Variants in PPP3CA observed in about 807,000 individuals in gnomAD.
PPP3CA encodes CAM-PRP catalytic subunit.
A neutral mutation model predicts 66.5 loss-of-function variants in PPP3CA; 14 were observed. That is an observed-to-expected ratio of 0.21 (90% CI 0.14 to 0.33). The LOEUF (loss-of-function observed/expected upper bound fraction) is 0.33, where lower values mean the gene tolerates loss of function less well. Among genes scored for constraint, PPP3CA ranks in the 10% least tolerant of loss-of-function variants. The pLI, the probability that PPP3CA is intolerant of heterozygous loss-of-function variation, is 1.00. For synonymous variants in PPP3CA, 232 were observed against 226.2 expected (o/e 1.03, Z -0.23); for missense variants, 317 against 639.5 (o/e 0.50, Z 5.44).
intron 2 of PPP3CA, among the ~76,000 whole-genome samples, chr4:101,112,726 C>G (rs1334007250): frequency 1.3e-5 from 2 of 152,138 alleles, no homozygotes; most frequent in Non-Finnish European, 2.9e-5. Flanking sequence ...CCATCCTGTA[C>G]AAAGGAGCAA....
At chr4:101,141,867 G>T (rs887278432) in intron 2 of PPP3CA, among the ~76,000 whole-genome samples, 19 of 152,182 alleles carry the variant, frequency 1.2e-4, no homozygotes, top group African/African-American at 4.3e-4. Context: ...GTGAACGAAT[G>T]AATGTATAGG....
intron 1 of PPP3CA, among the ~76,000 whole-genome samples, chr4:101,201,082 A>T (rs1724952523): frequency 6.6e-6 from 1 of 152,138 alleles, no homozygotes. Context: ...TTATGTTGAA[A>T]TAATAATATT....
chr4:101,304,449 T>G (rs1728475047), intron 1 of PPP3CA, among the ~76,000 whole-genome samples: 1 of 152,200 alleles, frequency 6.6e-6, no homozygotes, highest in Admixed American at 6.5e-5. Flanking sequence ...AGTTGGTAGA[T>G]TTTACTTCCT....
intron 7 of PPP3CA, among the ~76,000 whole-genome samples, chr4:101,082,166 A>G (rs1729470045): frequency 6.6e-6 from 1 of 152,204 alleles, no homozygotes. Context: ...AAGTGAGAAC[A>G]ATTATTTGAA....
chr4:101,181,465 A>C (rs1051258027), intron 2 of PPP3CA, among the ~76,000 whole-genome samples: 1 of 152,106 alleles, frequency 6.6e-6, no homozygotes, highest in African/African-American at 2.4e-5. Flanking sequence ...CTTAGAATAT[A>C]AAGGGAAAAC....
chr4:101,174,148 T>C (rs370672651), intron 2 of PPP3CA, among the ~76,000 whole-genome samples: 5 of 151,138 alleles, frequency 3.3e-5, no homozygotes, highest in African/African-American at 1.2e-4. Flanking sequence ...TAACAAATAG[T>C]TTGGAAGTTA....
At chr4:101,040,608 C>T (rs111325412) in intron 10 of PPP3CA, 42 bp from the exon 11 acceptor site, 1 of 1,513,354 alleles carries the variant, frequency 6.6e-7, no homozygotes, top group African/African-American at 1.4e-5. Flanking sequence ...AATTTTTTAT[C>T]TAATTGTAAT....
chr4:101,229,602 T>G (rs1447077117), intron 1 of PPP3CA, among the ~76,000 whole-genome samples: 1 of 151,582 alleles, frequency 6.6e-6, no homozygotes, highest in Admixed American at 6.6e-5. Flanking sequence ...CTAGGGAGTT[T>G]GGCAGTATGG....
At chr4:101,285,477 T>C (rs1349022990) in intron 1 of PPP3CA, among the ~76,000 whole-genome samples, 5 of 152,092 alleles carry the variant, frequency 3.3e-5, no homozygotes, top group Admixed American at 6.6e-5. Flanking sequence ...CTTAAAGAGT[T>C]CCCCCTTCTT....
intron 1 of PPP3CA, among the ~76,000 whole-genome samples, chr4:101,209,190 T>A (rs1725229025): frequency 6.6e-6 from 1 of 152,244 alleles, no homozygotes; most frequent in African/African-American, 2.4e-5. Flanking sequence ...AGTTCAAGAA[T>A]AATCAAAGAA....
chr4:101,067,265 T>C (rs969793344), intron 8 of PPP3CA, among the ~76,000 whole-genome samples: 15 of 152,142 alleles, frequency 9.9e-5, no homozygotes, highest in African/African-American at 3.4e-4. Context: ...CTCATTTTTA[T>C]AGTACCTGTA....
rs534375290 is a variant in PPP3CA, at chr4:101,320,102, T to C, written c.58+26637A>G. ...ACTCTAAAAACAAAACAGTATCAGG[T>C]AATATTATTCTATCTTATAGAAACA... On this transcript the variant is annotated intron_variant, in intron 1 of 13. Transcript: ENST00000394854. 1.4e-4 allele frequency among the ~76,000 whole-genome samples: 21 copies of C among 152,124 alleles called. No individual in the cohort carries two copies. The East Asian group carries it at 3.5e-3, about 25-fold the overall frequency.
intron 2 of PPP3CA, among the ~76,000 whole-genome samples, chr4:101,136,343 C>A (rs2110287302): frequency 6.6e-6 from 1 of 152,106 alleles, no homozygotes; most frequent in East Asian, 1.9e-4. Flanking sequence ...GAGTTAGAGA[C>A]CAACCTGGCC....
Position 101,093,801 on chromosome 4 carries a change from C to G in PPP3CA, c.757G>C (p.Val253Leu). 1 of 1,612,832 alleles carries G rather than the reference C, an allele frequency of 6.2e-7. No homozygotes were observed. Among genetic ancestry groups the G allele is most frequent in the Non-Finnish European group, 8.5e-7 (1 of 1,179,224 alleles). Reference sequence around the variant, plus strand: ...CTGTAGAAGTATGAACACCCCCTGACTGTGTTGTGAGTGAAATGTTCCTGA... The same window carrying G: ...CTGTAGAAGTATGAACACCCCCTGAGTGTGTTGTGAGTGAAATGTTCCTGA... Reference protein sequence around the residue: ...KTQEHFTHNTVRGCSYFYSYP... With the variant: ...KTQEHFTHNTLRGCSYFYSYP... The change falls in exon 6 of 14, where the codon GTC becomes CTC. Residue 253 changes from valine to leucine, a missense_variant. This residue lies in a region of PPP3CA where 201 missense variants were observed against 501.4 expected (regional missense o/e 0.40). Transcript: ENST00000394854.
chr4:101,088,880 T>G (rs1212006756), intron 6 of PPP3CA, among the ~76,000 whole-genome samples: 2 of 152,142 alleles, frequency 1.3e-5, no homozygotes. Flanking sequence ...ATGTGATGAC[T>G]GGTGGTGATT....
intron 6 of PPP3CA, among the ~76,000 whole-genome samples, chr4:101,086,243 G>A (rs1426741469): frequency 6.6e-6 from 1 of 152,058 alleles, no homozygotes. Context: ...ATATATTAAA[G>A]AGAATGACGT....
At chr4:101,035,337 C>T (rs1366058000) in intron 11 of PPP3CA, among the ~76,000 whole-genome samples, 1 of 152,030 alleles carries the variant, frequency 6.6e-6, no homozygotes, top group African/African-American at 2.4e-5. Flanking sequence ...CAATTACAAC[C>T]CATAATGCTC....
intron 6 of PPP3CA, among the ~76,000 whole-genome samples, chr4:101,090,977 T>C (rs1421875175): frequency 6.6e-6 from 1 of 150,698 alleles, no homozygotes; most frequent in Non-Finnish European, 1.5e-5. Context: ...TATATTATAA[T>C]ATACACACAT....
intron 1 of PPP3CA, among the ~76,000 whole-genome samples, chr4:101,238,204 T>C (rs1162508539): frequency 6.6e-6 from 1 of 152,108 alleles, no homozygotes; most frequent in Non-Finnish European, 1.5e-5. Context: ...AAATTGATTA[T>C]AAAGATGCAC....
Sources: allele counts gnomAD v4.1 joint callset (sites outside exome capture counted in the v4.1 genomes callset), GRCh38; gene constraint gnomAD v4.1.1; regional missense constraint gnomAD v4.1.1; transcripts MANE v1.5; gene names NCBI Gene and HGNC (gene_info 2026-07-23, HGNC 2026-07-21).